The following QSOX2 variants were observed in gnomAD, a reference collection of about 807,000 sequenced individuals.
QSOX2 encodes quiescin sulfhydryl oxidase 2, also known as sulfhydryl oxidase 2.
A neutral mutation model predicts 61.7 loss-of-function variants in QSOX2; 46 were observed. That is an observed-to-expected ratio of 0.75 (90% CI 0.59 to 0.95). The LOEUF (loss-of-function observed/expected upper bound fraction) is 0.95, where lower values mean the gene tolerates loss of function less well. Among genes scored for constraint, QSOX2 ranks in the 40% least tolerant of loss-of-function variants. The pLI, the probability that QSOX2 is intolerant of heterozygous loss-of-function variation, is 0.00. For synonymous variants in QSOX2, 383 were observed against 388.4 expected (o/e 0.99, Z 0.16); for missense variants, 879 against 918.9 (o/e 0.96, Z 0.56).
At position 136,222,663 on chromosome 9, in the gene QSOX2, G is replaced by A. The variant is rs569684375; in HGVS notation, c.676-722C>T. 1.1e-3 allele frequency among the ~76,000 whole-genome samples: 168 copies of A among 152,214 alleles called. No homozygotes were observed. The highest frequency in any genetic ancestry group is 1.9e-3 in the Non-Finnish European group (132 of 68,022). On this transcript the variant is annotated intron_variant, in intron 5 of 11. Transcript: ENST00000358701. This position sits in a 1 kb window ranked among gnomAD's most constrained non-coding sequence, Gnocchi z 6.9. ...ACTGGTCTCTGCTCTGGGCCATGCC[G>A]TGACTCTGTGCTGAAGAGCACTCCT...
In QSOX2 at chr9:136,208,458, G is replaced by A. The variant is rs1348684621; in HGVS notation, c.*270C>T. The stretch of plus-strand genomic sequence containing the variant: ...TCACATCTAGAAGAGTAAAAATACA[G>A]AAGTCTTTTTGCTGTAAGACCTGCA... On this transcript the variant is annotated 3_prime_UTR_variant, in exon 12 of 12. Transcript: ENST00000358701. 1 of 421,982 alleles carries A rather than the reference G, an allele frequency of 2.4e-6. No individual in the cohort carries two copies. Among genetic ancestry groups the A allele is most frequent in the Non-Finnish European group, 4.2e-6 (1 of 237,348 alleles). 26.1% of individuals were successfully genotyped at this position (421,982 alleles called of 1,614,324 possible).
In QSOX2 at chr9:136,215,302, A is replaced by G; in HGVS notation, c.1212T>C (p.Ile404=). The G allele has an allele frequency of 6.2e-7, 1 of 1,608,452 alleles. No individual in the cohort carries two copies. Among genetic ancestry groups the G allele is most frequent in the Non-Finnish European group, 8.5e-7 (1 of 1,178,486 alleles). ...TGTGATTAGTAAGGAATATTCCAGA[A>G]ATCTGAAAAACAAACAAACAAAAAA... The part of the protein sequence containing the change: ...VLDLVNNKMR[I]SGIFLTNHIK... The change falls in exon 10 of 12, where the codon ATT becomes ATC. Residue 404 remains isoleucine (I), a splice_region_variant and synonymous_variant. Coordinates refer to ENST00000358701, the MANE Select transcript of QSOX2 (RefSeq NM_181701.4).
intron 8 of QSOX2, among the ~76,000 whole-genome samples, chr9:136,217,460 C>A (rs1831928169): frequency 6.6e-6 from 1 of 152,222 alleles, no homozygotes; most frequent in African/African-American, 2.4e-5. Flanking sequence ...CGATGCCAGA[C>A]CAGAAACGCC....
intron 1 of QSOX2, among the ~76,000 whole-genome samples, chr9:136,244,551 A>T (rs79539763): frequency 0.055 from 8,367 of 152,288 alleles, 438 homozygotes; most frequent in African/African-American, 0.14. Context: ...TGAAACATGT[A>T]ATTTGAGGTT....
chr9:136,245,626 C>A lies in QSOX2; in HGVS notation c.178G>T (p.Glu60Ter). Residue 60 changes from glutamate (E) to a stop codon, truncating the protein, a stop_gained, in exon 1 of 12, where the codon GAG becomes TAG. Coordinates refer to ENST00000358701, the MANE Select transcript of QSOX2 (RefSeq NM_181701.4). LOFTEE classifies it high-confidence loss of function. ...CTGTCCAGCACCCACACGGCGTCCTCGCCCGCGCGGTACAGCCGCGCCGCA... is the reference window on the plus strand; with the variant it reads ...CTGTCCAGCACCCACACGGCGTCCTAGCCCGCGCGGTACAGCCGCGCCGCA... ...GGAARLYRAG[E>*]DAVWVLDSGS... The A allele has an allele frequency of 6.6e-7, 1 of 1,511,046 alleles. No homozygotes were observed. 93.6% of individuals were successfully genotyped at this position (1,511,046 alleles called of 1,614,324 possible). A position where few individuals can be genotyped will look rare whatever the true frequency, so the allele number is the denominator to read the frequency against.
chr9:136,212,912 GGCT>G (rs1487866512), intron 10 of QSOX2, among the ~76,000 whole-genome samples: 2 of 152,230 alleles, frequency 1.3e-5, no homozygotes, highest in Non-Finnish European at 2.9e-5. Flanking sequence ...TACTCCTGGA[GGCT>G]GCTTCCAATA....
chr9:136,225,680 C>T (rs1002667164), intron 2 of QSOX2, among the ~76,000 whole-genome samples: 2 of 152,234 alleles, frequency 1.3e-5, no homozygotes, highest in African/African-American at 2.4e-5. Flanking sequence ...TCCCCTTGCC[C>T]GGGAAGGCGC....
Position 136,219,028 on chromosome 9 carries a change from G to T in QSOX2, c.956+2C>A. ...GGGCTTCAGTTCAAGAGGAACACTT[G>T]CTTGTCAAATTCTCTCCAAACCACG... On this transcript the variant is annotated splice_donor_variant, in intron 7 of 11. Coordinates refer to ENST00000358701, the MANE Select transcript of QSOX2 (RefSeq NM_181701.4). LOFTEE classifies it high-confidence loss of function. 6.2e-7 allele frequency: 1 copy of T among 1,613,992 alleles called. No individual in the cohort carries two copies. Among genetic ancestry groups the T allele is most frequent in the Non-Finnish European group, 8.5e-7 (1 of 1,179,976 alleles).
chr9:136,209,994 C>G lies in QSOX2; in HGVS notation c.1550-719G>C, dbSNP rs1564288676. 1.0e-6 allele frequency: 1 copy of G among 985,338 alleles called. No homozygotes were observed. Among genetic ancestry groups the G allele is most frequent in the Non-Finnish European group, 1.2e-6 (1 of 829,942 alleles). 61.0% of individuals were successfully genotyped at this position (985,338 alleles called of 1,614,324 possible). On this transcript the variant is annotated intron_variant, in intron 11 of 11. Coordinates refer to ENST00000358701, the MANE Select transcript of QSOX2 (RefSeq NM_181701.4). This position sits in a 1 kb window ranked among gnomAD's most constrained non-coding sequence, Gnocchi z 5.6. ...CTGACACCTGGCCACCCTCACAGAG[C>G]TTCCAGAAGTGAATGTAAACACAAC... is the stretch of plus-strand genomic sequence containing the variant.
chr9:136,243,044 C>T (rs1216308362), intron 1 of QSOX2, among the ~76,000 whole-genome samples: 1 of 152,258 alleles, frequency 6.6e-6, no homozygotes, highest in East Asian at 1.9e-4. Context: ...TTAGGCAGAG[C>T]TGACCAGCGT....
Position 136,245,541 on chromosome 9 carries a change from GAGT to G in QSOX2, c.260_262del (p.Tyr87del). ...GCCGATGCAGTGGCCACACCACGAC[GAGT>G]AGAACTGCACGAGCCACGCGGCCGA... On this transcript the variant is annotated inframe_deletion, in exon 1 of 12. Transcript: ENST00000358701. The G allele has an allele frequency of 5.0e-6, 8 of 1,591,900 alleles. No homozygotes were observed. The highest frequency in any genetic ancestry group is 5.9e-6 in the Non-Finnish European group (7 of 1,176,724).
chr9:136,238,923 C>A (rs1474575862), intron 1 of QSOX2, among the ~76,000 whole-genome samples: 1 of 152,194 alleles, frequency 6.6e-6, no homozygotes, highest in African/African-American at 2.4e-5. Context: ...GACGCTGAGG[C>A]AGGAGGGTCC....
At position 136,216,835 on chromosome 9, in the gene QSOX2, C is replaced by G. The variant is rs1831920143; in HGVS notation, c.1087-113G>C. On this transcript the variant is annotated intron_variant, in intron 8 of 11. Coordinates refer to ENST00000358701, the MANE Select transcript of QSOX2 (RefSeq NM_181701.4). Reference sequence around the variant, plus strand: ...CACTCCATCCGCAGAGGGGCTGAACCTAGGATGGGGCCTCTCATAACTCGG... The same window carrying G: ...CACTCCATCCGCAGAGGGGCTGAACGTAGGATGGGGCCTCTCATAACTCGG... The G allele has an allele frequency of 8.3e-6, 11 of 1,331,086 alleles. No homozygotes were observed. In the South Asian group the frequency reaches 1.4e-4, roughly 17 times the overall value. 82.5% of individuals were successfully genotyped at this position (1,331,086 alleles called of 1,614,324 possible).
intron 1 of QSOX2, among the ~76,000 whole-genome samples, chr9:136,234,036 G>A (rs931046825): frequency 3.4e-5 from 5 of 147,774 alleles, no homozygotes; most frequent in Non-Finnish European, 7.4e-5. Flanking sequence ...CCTGGGGCAG[G>A]ACAAAGGTCT....
intron 1 of QSOX2, among the ~76,000 whole-genome samples, chr9:136,242,573 A>T (rs1830441286): frequency 6.6e-6 from 1 of 152,270 alleles, no homozygotes; most frequent in Non-Finnish European, 1.5e-5. Flanking sequence ...AATGTTGACA[A>T]CGGGAATGCC....
rs1236332169 is a variant in QSOX2 at position 136,215,235 on chromosome 9, C to T, written c.1279G>A (p.Gly427Ser). 1.9e-6 allele frequency: 3 copies of T among 1,614,090 alleles called. No homozygotes were observed. The highest frequency in any genetic ancestry group is 1.7e-6 in the Non-Finnish European group (2 of 1,180,020). ...GCQGSRSELR[G>S]YPCSLWKLFH... ...AGTTTCCAGAGAGAACACGGGTAAC[C>T]CCTCAACTCAGATCGGCTTCCTTGA... Residue 427 changes from glycine (G) to serine (S), a missense_variant, in exon 10 of 12, where the codon GGT becomes AGT. Coordinates refer to ENST00000358701, the MANE Select transcript of QSOX2 (RefSeq NM_181701.4).
chr9:136,215,125 C>A (rs1217056965), intron 10 of QSOX2, 29 bp downstream of exon 10: 2 of 1,601,000 alleles, frequency 1.2e-6, no homozygotes, highest in Non-Finnish European at 1.7e-6. Context: ...AGACCATCGG[C>A]CCCTCTGGCC....
chr9:136,244,895 G>A lies in QSOX2; in HGVS notation c.328+581C>T, dbSNP rs77090920. Among the ~76,000 whole-genome samples, 155 of 152,330 alleles carry A rather than the reference G, an allele frequency of 1.0e-3. 2 individuals carry two copies. The East Asian group carries it at 0.024, about 24-fold the overall frequency. On this transcript the variant is annotated intron_variant, in intron 1 of 11. Transcript: ENST00000358701. ...GGGGTATTATAGAGAAGTCTCCAGA[G>A]TATTTGGACTTCTAAGTTGTGGGTT...
chr9:136,237,919 G>A (rs749069397), intron 1 of QSOX2, among the ~76,000 whole-genome samples: 2 of 152,242 alleles, frequency 1.3e-5, no homozygotes, highest in Non-Finnish European at 2.9e-5. Context: ...CAGGTGGGGA[G>A]CACAGAGAAT....
Sources: allele counts gnomAD v4.1 joint callset (sites outside exome capture counted in the v4.1 genomes callset), GRCh38; gene constraint gnomAD v4.1.1; non-coding constraint Gnocchi (gnomAD v3.1); transcripts MANE v1.5; gene names NCBI Gene and HGNC (gene_info 2026-07-23, HGNC 2026-07-21).